Variants in SOX5 observed in about 807,000 individuals in gnomAD.
The protein encoded by SOX5 is transcription factor SOX-5.
Under a neutral mutation model 92.0 loss-of-function variants are expected in SOX5, and 9 were observed. The ratio of observed to expected loss-of-function variants is 0.10; its 90% CI spans 0.06 to 0.17. The LOEUF is 0.17. SOX5 is among the 10% of genes least tolerant of loss of function. The pLI, the probability that SOX5 is intolerant of heterozygous loss-of-function variation, is 1.00. For synonymous variants in SOX5, 344 were observed against 336.3 expected (o/e 1.02, Z -0.25); for missense variants, 642 against 944.5 (o/e 0.68, Z 4.20).
intron 2 of SOX5, among the ~76,000 whole-genome samples, chr12:24,284,236 G>C (rs1945560311): frequency 6.6e-6 from 1 of 152,260 alleles, no homozygotes; most frequent in African/African-American, 2.4e-5. Context: ...CCCTGGGTGA[G>C]GGTCTTGCCA....
At chr12:24,199,706 T>C (rs1293994977) in intron 4 of SOX5, among the ~76,000 whole-genome samples, 1 of 152,222 alleles carries the variant, frequency 6.6e-6, no homozygotes, top group East Asian at 1.9e-4. Context: ...CTCTAACTCC[T>C]GCTAAAGCCA....
intron 4 of SOX5, among the ~76,000 whole-genome samples, chr12:23,966,199 T>C (rs1947541702): frequency 4.5e-5 from 2 of 44,296 alleles, no homozygotes; most frequent in Non-Finnish European, 9.3e-5. Flanking sequence ...GGACACTCAA[T>C]ATCCAAAAAA....
chr12:23,937,246 A>G (rs1032152906), intron 1 of SOX5, among the ~76,000 whole-genome samples: 6 of 150,972 alleles, frequency 4.0e-5, no homozygotes, highest in African/African-American at 7.3e-5. Context: ...AATGCTAAGG[A>G]ACAGTCTATA....
At chr12:24,258,894 C>G (rs1045784308) in intron 3 of SOX5, among the ~76,000 whole-genome samples, 2 of 152,160 alleles carry the variant, frequency 1.3e-5, no homozygotes, top group Admixed American at 6.5e-5. Flanking sequence ...CAAGTAGTTA[C>G]AGAAGTTGTC....
intron 4 of SOX5, among the ~76,000 whole-genome samples, chr12:23,747,390 A>T (rs1034067366): frequency 6.6e-6 from 1 of 152,168 alleles, no homozygotes; most frequent in African/African-American, 2.4e-5. Flanking sequence ...AGGTAAATCA[A>T]GTCATGCCAT....
At chr12:24,139,285 G>A (rs1237791221) in intron 4 of SOX5, among the ~76,000 whole-genome samples, 1 of 152,138 alleles carries the variant, frequency 6.6e-6, no homozygotes, top group Non-Finnish European at 1.5e-5. Flanking sequence ...ACACGAGCCC[G>A]GCTGTAATGG....
At chr12:23,648,796 C>T (rs970134655) in intron 7 of SOX5, among the ~76,000 whole-genome samples, 1 of 152,148 alleles carries the variant, frequency 6.6e-6, no homozygotes, top group Non-Finnish European at 1.5e-5. Context: ...TTGCCATATA[C>T]AGCCATATGT....
chr12:23,667,976 A>G (rs1385530887), intron 6 of SOX5, among the ~76,000 whole-genome samples: 1 of 152,182 alleles, frequency 6.6e-6, no homozygotes, highest in Non-Finnish European at 1.5e-5. Context: ...CTCGTACCCA[A>G]TTTTAATAAT....
intron 1 of SOX5, among the ~76,000 whole-genome samples, chr12:24,541,167 C>A (rs1191493275): frequency 1.3e-5 from 2 of 152,170 alleles, no homozygotes; most frequent in Non-Finnish European, 2.9e-5. Flanking sequence ...CGAGCTTATA[C>A]TTTTTCACAC....
At chr12:24,436,524 A>G (rs1206605915) in intron 1 of SOX5, among the ~76,000 whole-genome samples, 1 of 152,224 alleles carries the variant, frequency 6.6e-6, no homozygotes, top group Non-Finnish European at 1.5e-5. Flanking sequence ...AAGCTGCAGA[A>G]GTAAAGTTTA....
intron 6 of SOX5, among the ~76,000 whole-genome samples, chr12:23,671,765 C>T (rs1330617518): frequency 1.3e-5 from 2 of 152,134 alleles, no homozygotes; most frequent in African/African-American, 4.8e-5. Flanking sequence ...CACATAAAAA[C>T]ATTGCTAAAA....
chr12:24,447,222 A>G (rs1941616884), intron 1 of SOX5, among the ~76,000 whole-genome samples: 1 of 152,186 alleles, frequency 6.6e-6, no homozygotes, highest in African/African-American at 2.4e-5. Context: ...AACCTTGGCC[A>G]GGTGAAAAAG....
chr12:24,251,073 G>A (rs184862382), intron 3 of SOX5, among the ~76,000 whole-genome samples: 206 of 152,326 alleles, frequency 1.4e-3, no homozygotes, highest in Non-Finnish European at 1.6e-3. Context: ...ATTCTACATG[G>A]AAAGTGTTTG....
At chr12:23,667,395 G>T (rs1232826415) in intron 6 of SOX5, among the ~76,000 whole-genome samples, 1 of 152,062 alleles carries the variant, frequency 6.6e-6, no homozygotes, top group East Asian at 1.9e-4. Context: ...TTAAATCTGT[G>T]CATTCTAAAC....
At chr12:23,900,256 C>T (rs1352196140) in intron 1 of SOX5, among the ~76,000 whole-genome samples, 1 of 152,128 alleles carries the variant, frequency 6.6e-6, no homozygotes, top group Non-Finnish European at 1.5e-5. Flanking sequence ...AAGCAACTTG[C>T]TTTTACAGGA....
chr12:23,973,079 C>T (rs988416992), intron 4 of SOX5, among the ~76,000 whole-genome samples: 1 of 151,868 alleles, frequency 6.6e-6, no homozygotes, highest in African/African-American at 2.4e-5. Context: ...TTTTTCTTTC[C>T]ATGCCTAGCT....
intron 2 of SOX5, among the ~76,000 whole-genome samples, chr12:23,877,891 G>C (rs933349026): frequency 6.6e-6 from 1 of 151,628 alleles, no homozygotes; most frequent in South Asian, 2.1e-4. Flanking sequence ...TCATTTATTA[G>C]TATATAAAAA....
chr12:24,108,038 A>C (rs535729496), intron 4 of SOX5, among the ~76,000 whole-genome samples: 1 of 152,336 alleles, frequency 6.6e-6, no homozygotes, highest in Admixed American at 6.5e-5. Flanking sequence ...TGGAAATATT[A>C]AAGAGAACTT....
intron 6 of SOX5, among the ~76,000 whole-genome samples, chr12:23,699,744 T>C (rs969699109): frequency 6.6e-6 from 1 of 152,156 alleles, no homozygotes; most frequent in African/African-American, 2.4e-5. Flanking sequence ...AAATTAGAGA[T>C]ACTTTCTTTC....
Sources: allele counts gnomAD v4.1 joint callset (sites outside exome capture counted in the v4.1 genomes callset), GRCh38; gene constraint gnomAD v4.1.1; transcripts MANE v1.5; gene names NCBI Gene and HGNC (gene_info 2026-07-23, HGNC 2026-07-21).